METTL2B: variants seen among roughly 807,000 people sequenced by gnomAD.
METTL2B encodes tRNA N(3)-cytidine methyltransferase METTL2B.
In METTL2B, 28 loss-of-function variants were observed where a neutral mutation model predicts 51.0. The observed-to-expected ratio is 0.55, with a 90% CI of 0.41 to 0.75. METTL2B has a LOEUF of 0.75. Among genes scored for constraint, METTL2B ranks in the 30% least tolerant of loss-of-function variants. METTL2B has a pLI of 0.00. For synonymous variants in METTL2B, 128 were observed against 166.3 expected (o/e 0.77, Z 1.77); for missense variants, 313 against 460.7 (o/e 0.68, Z 2.93).
chr7:128,479,083 G>A (rs1046050116), intron 2 of METTL2B, 75 bp from the exon 3 acceptor site: 1 of 1,409,962 alleles, frequency 7.1e-7, no homozygotes. Flanking sequence ...ATTTGGTAAA[G>A]CAGGATAATT....
intron 8 of METTL2B, chr7:128,501,344 T>C (rs1793027092): frequency 6.1e-6 from 6 of 985,290 alleles, no homozygotes; most frequent in Non-Finnish European, 7.2e-6. Context: ...CGGGAACTGC[T>C]CTCCTCTGCA....
At chr7:128,499,518 T>G (rs1412969904) in intron 7 of METTL2B, among the ~76,000 whole-genome samples, 1 of 99,214 alleles carries the variant, frequency 1.0e-5, no homozygotes, top group Non-Finnish European at 2.1e-5. Flanking sequence ...ATTAACAGCC[T>G]TTTTTTTTTT....
intron 6 of METTL2B, among the ~76,000 whole-genome samples, chr7:128,495,346 A>G (rs1792906452): frequency 6.6e-6 from 1 of 152,252 alleles, no homozygotes; most frequent in African/African-American, 2.4e-5. Context: ...GAATTCTATA[A>G]AATCAGATTC....
rs545539351 is a variant in METTL2B, at chr7:128,503,384, A to G, written c.*1468A>G. ...GAATTGAGAGAACTTCTTAATTTTAACCACATCATCACTTCACTTCTGAAT... is the reference window on the plus strand; with the variant it reads ...GAATTGAGAGAACTTCTTAATTTTAGCCACATCATCACTTCACTTCTGAAT... On this transcript the variant is annotated 3_prime_UTR_variant, in exon 9 of 9. Transcript: ENST00000262432. 5.9e-5 allele frequency: 9 copies of G among 152,046 alleles called. No homozygotes were observed. Among genetic ancestry groups the G allele is most frequent in the African/African-American group, 1.9e-4 (8 of 41,494 alleles). The allele number at this position is 152,046 out of a possible 1,614,324, so 9.4% of individuals were successfully genotyped here. A position where few individuals can be genotyped will look rare whatever the true frequency, so the allele number is the denominator to read the frequency against.
At chr7:128,500,825 C>G in intron 7 of METTL2B, 78 bp from the exon 8 acceptor site, 1 of 1,564,022 alleles carries the variant, frequency 6.4e-7, no homozygotes, top group Non-Finnish European at 8.8e-7. Context: ...AAACTGGCCT[C>G]TCAGTTAACA....
rs1065267 is a variant in METTL2B, at chr7:128,479,460, G to A, written c.505G>A (p.Glu169Lys). 247,434 of 1,596,586 alleles carry A rather than the reference G, an allele frequency of 0.15. 151 individuals are homozygous for A. The highest frequency in any genetic ancestry group is 0.2 in the Middle Eastern group (1,234 of 6,024). Residue 169 changes from glutamate (E) to lysine (K), a missense_variant, in exon 3 of 9, where the codon GAA (glutamate) becomes AAA (lysine). By Grantham distance (56) the Glu-to-Lys change is moderately conservative. Around this residue, in one of 4 missense-constraint regions of METTL2B, gnomAD observed 42 missense variants for 113.4 expected, o/e 0.37. Transcript: ENST00000262432. Reference sequence around the variant, plus strand: ...TGTAACTCAGAAAATTAGTGACCTGGAAATTTGTGCTGATGAGTTTCCTGG... The same window carrying A: ...TGTAACTCAGAAAATTAGTGACCTGAAAATTTGTGCTGATGAGTTTCCTGG... ...ENVTQKISDL[E>K]ICADEFPGSS...
At chr7:128,478,159 T>C (rs971828750) in intron 2 of METTL2B, among the ~76,000 whole-genome samples, 12 of 151,988 alleles carry the variant, frequency 7.9e-5, no homozygotes, top group Non-Finnish European at 1.2e-4. Context: ...TCTACTACAC[T>C]AGTCAAGGCC....
In METTL2B at chr7:128,506,048, G is replaced by C. The variant is rs908036183; in HGVS notation, c.*4132G>C. ...ACCATGTGTCCCAGGCTGGTCTTGA[G>C]CTCCTGAGCTCAAGCAATCCTCCCA... On this transcript the variant is annotated 3_prime_UTR_variant, in exon 9 of 9. Coordinates refer to ENST00000262432, the MANE Select transcript of METTL2B (RefSeq NM_018396.3). 8 of 152,112 alleles carry C rather than the reference G, an allele frequency of 5.3e-5. No homozygotes were observed. The highest frequency in any genetic ancestry group is 1.7e-4 in the African/African-American group (7 of 41,424). The allele number at this position is 152,112 out of a possible 1,614,324, so 9.4% of individuals were successfully genotyped here.
At chr7:128,493,107 T>G (rs1007869801) in intron 5 of METTL2B, among the ~76,000 whole-genome samples, 1 of 152,228 alleles carries the variant, frequency 6.6e-6, no homozygotes, top group African/African-American at 2.4e-5. Context: ...GATTCCTCAC[T>G]GTCTCCCTTC....
Position 128,502,030 on chromosome 7 carries a change from G to A in METTL2B, c.*114G>A. 1 of 1,477,496 alleles carries A rather than the reference G, an allele frequency of 6.8e-7. No individual in the cohort carries two copies. The highest frequency in any genetic ancestry group is 9.1e-7 in the Non-Finnish European group (1 of 1,097,316). The allele number at this position is 1,477,496 out of a possible 1,614,324, so 91.5% of individuals were successfully genotyped here. On this transcript the variant is annotated 3_prime_UTR_variant, in exon 9 of 9. Coordinates refer to ENST00000262432, the MANE Select transcript of METTL2B (RefSeq NM_018396.3). ...TGTAATCCCAGCCACTCAGGAGGCT[G>A]AGGCAGGGAGGATCCATTGAGCCCA...
chr7:128,489,629 CTTTTTT>C (rs71160655), intron 5 of METTL2B, among the ~76,000 whole-genome samples: 1 of 111,062 alleles, frequency 9.0e-6, no homozygotes, highest in African/African-American at 3.5e-5. Flanking sequence ...CTGGCAATTT[CTTTTTT>C]TTTTTTTTTT....
At position 128,480,701 on chromosome 7, in the gene METTL2B, G is replaced by A. The variant is rs753245375; in HGVS notation, c.608+5G>A. The A allele has an allele frequency of 1.9e-6, 3 of 1,604,902 alleles. No individual in the cohort carries two copies. In the African/African-American group the frequency reaches 4.0e-5, roughly 22 times the overall value. On this transcript the variant is annotated splice_donor_5th_base_variant and intron_variant, in intron 4 of 8. Coordinates refer to ENST00000262432, the MANE Select transcript of METTL2B (RefSeq NM_018396.3). ...TCCAATTTTACAAACGAACAAGTAA[G>A]TATGTTGTAAAAGTTTATGATAGCA...
At chr7:128,490,433 T>C (rs1053282989) in intron 5 of METTL2B, among the ~76,000 whole-genome samples, 1 of 150,754 alleles carries the variant, frequency 6.6e-6, no homozygotes, top group Non-Finnish European at 1.5e-5. Flanking sequence ...CAGGCGAACC[T>C]GATGAGATGA....
intron 4 of METTL2B, among the ~76,000 whole-genome samples, chr7:128,480,900 A>G (rs1310954591): frequency 6.6e-6 from 1 of 152,256 alleles, no homozygotes; most frequent in African/African-American, 2.4e-5. Flanking sequence ...ACTATCAATA[A>G]TGGTTATTGG....
At chr7:128,482,813 C>T (rs756309147) in intron 4 of METTL2B, among the ~76,000 whole-genome samples, 1 of 152,192 alleles carries the variant, frequency 6.6e-6, no homozygotes, top group Non-Finnish European at 1.5e-5. Flanking sequence ...GGATTACAGG[C>T]GTGAGCCATG....
At chr7:128,493,337 C>T (rs1450356408) in intron 5 of METTL2B, among the ~76,000 whole-genome samples, 2 of 151,988 alleles carry the variant, frequency 1.3e-5, no homozygotes, top group Admixed American at 6.6e-5. Flanking sequence ...CTCAGCCTCC[C>T]GAGTAGCTGG....
chr7:128,492,260 G>A (rs993746575), intron 5 of METTL2B, among the ~76,000 whole-genome samples: 8 of 151,226 alleles, frequency 5.3e-5, no homozygotes, highest in African/African-American at 1.7e-4. Context: ...AGGTTCAAGC[G>A]ATTCTCCTGC....
At chr7:128,490,163 T>C (rs1304859031) in intron 5 of METTL2B, among the ~76,000 whole-genome samples, 1 of 152,176 alleles carries the variant, frequency 6.6e-6, no homozygotes. Flanking sequence ...GCATCTTTTC[T>C]GGAGTAGATT....
chr7:128,479,204 A>T lies in METTL2B; in HGVS notation c.249A>T (p.Lys83Asn). ...ACAAATACTGGAATGACTTCTACAA[A>T]ATCCACGAAAATGGGTTTTTCAAGG... ...NAHKYWNDFY[K>N]IHENGFFKDR... The change falls in exon 3 of 9, where the codon AAA (lysine) becomes AAT (asparagine). Residue 83 changes from lysine (K) to asparagine (N), a missense_variant. Transcript: ENST00000262432. 6.2e-7 allele frequency: 1 copy of T among 1,614,200 alleles called. No homozygotes were observed. Among genetic ancestry groups the T allele is most frequent in the Non-Finnish European group, 8.5e-7 (1 of 1,180,002 alleles).
Sources: gnomAD v4.1 joint callset for allele counts (sites outside exome capture counted in the v4.1 genomes callset) on GRCh38, gnomAD v4.1.1 for gene constraint, gnomAD v4.1.1 regional missense constraint, MANE v1.5 for transcripts, NCBI Gene and HGNC (gene_info 2026-07-23, HGNC 2026-07-21) for gene names.